Variants in PSMA1 observed in about 807,000 individuals in gnomAD.
The protein encoded by PSMA1 is proteasome 20S subunit alpha 1, also known as proteasome subunit alpha type-1.
PSMA1 carries 3 observed loss-of-function variants against 38.4 expected under a neutral mutation model. The ratio of observed to expected loss-of-function variants is 0.08; its 90% CI spans 0.04 to 0.20. PSMA1 has a LOEUF of 0.20. Ranked by LOEUF, PSMA1 falls within the 10% of genes least tolerant of loss-of-function variation. The pLI is 1.00. For missense variants in PSMA1, 227 were observed against 325.3 expected (o/e 0.70, Z 2.32); for synonymous variants, 101 against 107.1 (o/e 0.94, Z 0.35).
At chr11:14,576,641 C>G (rs1180250045) in intron 2 of PSMA1, among the ~76,000 whole-genome samples, 1 of 152,096 alleles carries the variant, frequency 6.6e-6, no homozygotes, top group Admixed American at 6.6e-5. Context: ...TGATCTATAT[C>G]TCTGTTTTGG....
At chr11:14,514,208 T>C in intron 5 of PSMA1, 195 bp downstream of exon 5, 1 of 1,347,032 alleles carries the variant, frequency 7.4e-7, no homozygotes. Context: ...TTAGATGATT[T>C]TCCTGAAGTT....
chr11:14,576,898 C>T (rs1464140675), intron 2 of PSMA1, among the ~76,000 whole-genome samples: 1 of 152,186 alleles, frequency 6.6e-6, no homozygotes, highest in Non-Finnish European at 1.5e-5. Flanking sequence ...GATATTGATT[C>T]TTCCTATCCG....
chr11:14,591,771 C>T (rs1852418493), intron 2 of PSMA1, among the ~76,000 whole-genome samples: 1 of 152,168 alleles, frequency 6.6e-6, no homozygotes, highest in South Asian at 2.1e-4. Context: ...CCTGTTAAAA[C>T]AGGCCACTTG....
At chr11:14,589,341 ATG>A (rs1189539259) in intron 2 of PSMA1, among the ~76,000 whole-genome samples, 4 of 146,714 alleles carry the variant, frequency 2.7e-5, no homozygotes, top group Non-Finnish European at 6.0e-5. Flanking sequence ...ATATATATAT[ATG>A]TGTGTGTGTA....
chr11:14,507,178 T>G (rs546460567), intron 9 of PSMA1, among the ~76,000 whole-genome samples: 6 of 152,076 alleles, frequency 3.9e-5, no homozygotes, highest in Admixed American at 6.5e-5. Context: ...GTGTTTGTTT[T>G]TTTTTTTTGA....
Position 14,615,087 on chromosome 11 carries a change from C to T in PSMA1, c.-165-3936G>A, listed in dbSNP as rs528324787. On this transcript the variant is annotated intron_variant, in intron 1 of 10. Coordinates refer to the PSMA1 transcript ENST00000418988. ...GGATTGCTTGTCTGAATATATAGCC[C>T]ATGCAAGTTCTTTTGTATATCTATG... Among the ~76,000 whole-genome samples the T allele has an allele frequency of 3.9e-5, 6 of 152,326 alleles. No individual in the cohort carries two copies. The East Asian group carries it at 1.2e-3, about 29-fold the overall frequency.
chr11:14,630,557 T>A (rs1852989965), intron 1 of PSMA1, among the ~76,000 whole-genome samples: 1 of 152,006 alleles, frequency 6.6e-6, no homozygotes, highest in Non-Finnish European at 1.5e-5. Context: ...TGCTGCTGGA[T>A]TCGGTTTGCC....
intron 2 of PSMA1, among the ~76,000 whole-genome samples, chr11:14,551,216 G>A (rs1021932037): frequency 3.9e-5 from 6 of 152,150 alleles, no homozygotes; most frequent in African/African-American, 1.4e-4. Flanking sequence ...TGCTTCTGGT[G>A]TTTTGAATCC....
rs573426045 is a variant in PSMA1, at chr11:14,514,193, G to A, written c.343+210C>T. 1.9e-5 allele frequency: 26 copies of A among 1,341,190 alleles called. No homozygotes were observed. The East Asian group carries it at 6.8e-4, about 35-fold the overall frequency. The allele number at this position is 1,341,190 out of a possible 1,614,324, so 83.1% of individuals were successfully genotyped here. A position where few individuals can be genotyped will look rare whatever the true frequency, so the allele number is the denominator to read the frequency against. ...AGAAACTTTAAATCCCCTCTAAAAA[G>A]ATGCTTAGATGATTTTCCTGAAGTT... On this transcript the variant is annotated intron_variant, in intron 5 of 9. Coordinates refer to ENST00000396394, the MANE Select transcript of PSMA1 (RefSeq NM_002786.4).
chr11:14,505,726 C>A (rs1293680159), intron 9 of PSMA1, among the ~76,000 whole-genome samples: 1 of 151,952 alleles, frequency 6.6e-6, no homozygotes, highest in Non-Finnish European at 1.5e-5. Flanking sequence ...TCTATTTGGT[C>A]GGGTGCAGCA....
chr11:14,603,271 C>G (rs1852605913), intron 2 of PSMA1, among the ~76,000 whole-genome samples: 1 of 152,182 alleles, frequency 6.6e-6, no homozygotes, highest in Non-Finnish European at 1.5e-5. Context: ...CACCCCTCTT[C>G]CACTGTAAGC....
chr11:14,602,757 T>C (rs1324787358), intron 2 of PSMA1, among the ~76,000 whole-genome samples: 2 of 152,162 alleles, frequency 1.3e-5, no homozygotes, highest in Admixed American at 6.5e-5. Context: ...CCAGCCTGCA[T>C]TGAGTACTAA....
intron 1 of PSMA1, among the ~76,000 whole-genome samples, chr11:14,621,945 T>C (rs1852848931): frequency 6.6e-6 from 1 of 152,246 alleles, no homozygotes; most frequent in South Asian, 2.1e-4. Flanking sequence ...GTAACTCATT[T>C]AATCCTCATA....
chr11:14,557,829 CG>C (rs1851958388), intron 2 of PSMA1, among the ~76,000 whole-genome samples: 2 of 152,110 alleles, frequency 1.3e-5, no homozygotes, highest in Non-Finnish European at 2.9e-5. Flanking sequence ...GGGATCTAAA[CG>C]GTCATTATAA....
rs1852664258 is a variant in PSMA1 at position 14,608,058 on chromosome 11, G to A, written c.21+2908C>T. Among the ~76,000 whole-genome samples, 4 of 152,118 alleles carry A rather than the reference G, an allele frequency of 2.6e-5. No homozygotes were observed. In the South Asian group the frequency reaches 8.3e-4, roughly 32 times the overall value. ...ACAGCATAAAAATACCCCAATAATA[G>A]TGTATATAACAAGGCAGGCACAGTG... On this transcript the variant is annotated intron_variant, in intron 2 of 10. Coordinates refer to the PSMA1 transcript ENST00000418988.
intron 2 of PSMA1, among the ~76,000 whole-genome samples, chr11:14,548,424 G>A (rs1398606448): frequency 2.0e-5 from 3 of 152,118 alleles, no homozygotes; most frequent in Non-Finnish European, 2.9e-5. Flanking sequence ...AGGTGTGTGT[G>A]TGTGTGCATG....
intron 1 of PSMA1, among the ~76,000 whole-genome samples, chr11:14,616,077 T>G (rs1056492752): frequency 6.6e-6 from 1 of 152,158 alleles, no homozygotes; most frequent in African/African-American, 2.4e-5. Context: ...TCTGAGATGC[T>G]TGGCCTGGCA....
At chr11:14,576,317 C>T (rs1323892993) in intron 2 of PSMA1, among the ~76,000 whole-genome samples, 5 of 152,222 alleles carry the variant, frequency 3.3e-5, no homozygotes, top group Admixed American at 6.5e-5. Flanking sequence ...GCTTTTGTTG[C>T]CATTGCTTTT....
intron 2 of PSMA1, among the ~76,000 whole-genome samples, chr11:14,590,929 G>A (rs557840681): frequency 1.3e-5 from 2 of 152,226 alleles, no homozygotes; most frequent in Non-Finnish European, 1.5e-5. Context: ...GTTCTCGCTC[G>A]CTCTAGGCGC....
Sources: gnomAD v4.1 joint callset for allele counts (sites outside exome capture counted in the v4.1 genomes callset) on GRCh38, gnomAD v4.1.1 for gene constraint, MANE v1.5 for transcripts, NCBI Gene and HGNC (gene_info 2026-07-23, HGNC 2026-07-21) for gene names.